The following RHBDD1 variants were observed in gnomAD, a reference collection of about 807,000 sequenced individuals.
The protein encoded by RHBDD1 is rhomboid-related protein 4.
RHBDD1 carries 38 observed loss-of-function variants against 36.3 expected under a neutral mutation model. The observed-to-expected ratio is 1.05, with a 90% CI of 0.81 to 1.37. The LOEUF is 1.37. Among genes scored for constraint, RHBDD1 ranks in the 40% most tolerant of loss-of-function variants. The pLI is 0.00. For missense variants in RHBDD1, 393 were observed against 377.6 expected (o/e 1.04, Z -0.34); for synonymous variants, 151 against 136.5 (o/e 1.11, Z -0.74).
intron 8 of RHBDD1, among the ~76,000 whole-genome samples, chr2:226,987,554 T>C (rs1294938165): frequency 2.6e-5 from 4 of 152,096 alleles, no homozygotes; most frequent in Non-Finnish European, 4.4e-5. Flanking sequence ...CTCTCCCATC[T>C]CTCCACCACC....
intron 3 of RHBDD1, among the ~76,000 whole-genome samples, chr2:226,861,505 A>G (rs1232164455): frequency 2.0e-5 from 3 of 152,210 alleles, no homozygotes; most frequent in African/African-American, 7.2e-5. Context: ...TAATGATTGT[A>G]ATTGAGGGGC....
At chr2:226,871,206 T>C (rs1286760747) in intron 5 of RHBDD1, among the ~76,000 whole-genome samples, 5 of 152,186 alleles carry the variant, frequency 3.3e-5, no homozygotes, top group Non-Finnish European at 7.4e-5. Flanking sequence ...TTTCAATTTA[T>C]TTTTCCACTT....
the RHBDD1 span, among the ~76,000 whole-genome samples, chr2:226,801,621 T>C: frequency 6.6e-6 from 1 of 152,146 alleles, no homozygotes; most frequent in African/African-American, 2.4e-5. Flanking sequence ...TCTTTTCCTC[T>C]GACAGCTTGG....
intron 5 of RHBDD1, among the ~76,000 whole-genome samples, chr2:226,868,068 T>G (rs903986305): frequency 2.0e-5 from 3 of 152,206 alleles, no homozygotes; most frequent in Non-Finnish European, 4.4e-5. Context: ...GTAGTAGAAC[T>G]TTTTAAACAA....
At chr2:226,947,418 T>C (rs1374946121) in intron 8 of RHBDD1, among the ~76,000 whole-genome samples, 4 of 151,968 alleles carry the variant, frequency 2.6e-5, no homozygotes, top group Non-Finnish European at 4.4e-5. Flanking sequence ...GTTGTAGATA[T>C]GCGGCGTTAT....
intron 8 of RHBDD1, among the ~76,000 whole-genome samples, chr2:226,922,401 G>A (rs1949388979): frequency 6.6e-6 from 1 of 151,538 alleles, no homozygotes; most frequent in Admixed American, 6.6e-5. Context: ...TAGAGACGGG[G>A]TTTCACTGTG....
At chr2:226,913,963 A>G (rs764282952) in intron 7 of RHBDD1, among the ~76,000 whole-genome samples, 7 of 152,140 alleles carry the variant, frequency 4.6e-5, no homozygotes, top group East Asian at 3.9e-4. Flanking sequence ...ACTTCTGACT[A>G]CCCTCTGAAT....
chr2:226,825,274 T>C, the RHBDD1 span, among the ~76,000 whole-genome samples: 46 of 151,690 alleles, frequency 3.0e-4, no homozygotes, highest in African/African-American at 1.1e-3. Context: ...TTTAGTTGGT[T>C]AAAAAAAAGC....
At chr2:226,970,942 CAT>C (rs961853315) in intron 8 of RHBDD1, among the ~76,000 whole-genome samples, 121 of 152,298 alleles carry the variant, frequency 7.9e-4, no homozygotes, top group African/African-American at 2.8e-3. Flanking sequence ...TGTATTAAAA[CAT>C]ACGCAATCTC....
chr2:226,808,800 T>G, the RHBDD1 span, among the ~76,000 whole-genome samples: 1 of 151,890 alleles, frequency 6.6e-6, no homozygotes, highest in African/African-American at 2.4e-5. Flanking sequence ...TTGATCAAAG[T>G]AGACATGAGC....
chr2:226,836,088 G>C lies in RHBDD1; in HGVS notation c.-392+1G>C, dbSNP rs1940918721. 6.5e-6 allele frequency: 1 copy of C among 152,746 alleles called. No individual in the cohort carries two copies. Among genetic ancestry groups the C allele is most frequent in the African/African-American group, 2.4e-5 (1 of 41,472 alleles). 9.5% of individuals were successfully genotyped at this position (152,746 alleles called of 1,614,324 possible). A position where few individuals can be genotyped will look rare whatever the true frequency, so the allele number is the denominator to read the frequency against. ...GGGACGCAGGCGGGTCGTAGAGAGC[G>C]TGAGTTTCCGCGTCTGTTTGGTCCG... On this transcript the variant is annotated splice_donor_variant, in intron 1 of 8. Transcript: ENST00000392062. LOFTEE classifies it low-confidence loss of function (5UTR_SPLICE).
intron 5 of RHBDD1, among the ~76,000 whole-genome samples, chr2:226,879,571 CA>C (rs994318863): frequency 7.9e-5 from 12 of 150,974 alleles, no homozygotes; most frequent in African/African-American, 2.4e-4. Context: ...TTTAAAAATG[CA>C]AAAAAAGGGT....
intron 8 of RHBDD1, among the ~76,000 whole-genome samples, chr2:226,922,743 A>G (rs1043994324): frequency 2.6e-5 from 4 of 151,852 alleles, no homozygotes; most frequent in Non-Finnish European, 5.9e-5. Context: ...CTCTGGAGGT[A>G]TGTTTTAATT....
chr2:226,972,790 A>C (rs1378888852), intron 8 of RHBDD1, among the ~76,000 whole-genome samples: 1 of 152,126 alleles, frequency 6.6e-6, no homozygotes, highest in Non-Finnish European at 1.5e-5. Context: ...GGTGCCTTTC[A>C]TGAAGTCTAT....
chr2:226,872,145 G>C (rs1297623828), intron 5 of RHBDD1, among the ~76,000 whole-genome samples: 1 of 152,166 alleles, frequency 6.6e-6, no homozygotes, highest in Non-Finnish European at 1.5e-5. Context: ...TTTGTCAAAG[G>C]CTGGTCTTAG....
chr2:226,882,430 CAAAAAAAA>C lies in RHBDD1; in HGVS notation c.566+15129_566+15136del, dbSNP rs58149634. ...GGGCAACAAGAGTGAGACTTTGCCTCAAAAAAAAAAAAAAAAAAAAAAAAGAAGAAGAA... is the reference window on the plus strand; with the variant it reads ...GGGCAACAAGAGTGAGACTTTGCCTCAAAAAAAAAAAAAAAAGAAGAAGAA... On this transcript the variant is annotated intron_variant, in intron 5 of 8. Transcript: ENST00000392062. Among the ~76,000 whole-genome samples the C allele has an allele frequency of 2.3e-4, 13 of 57,118 alleles. No homozygotes were observed. In the South Asian group the frequency reaches 0.01, roughly 44 times the overall value. The allele number at this position is 57,118 out of a possible 152,430, so 37.5% of individuals were successfully genotyped here.
Position 226,941,460 on chromosome 2 carries a change from ATATATGTGT to A in RHBDD1, c.856+27110_856+27118del, listed in dbSNP as rs1180530421. 2.0e-4 allele frequency among the ~76,000 whole-genome samples: 31 copies of A among 152,292 alleles called. 1 individual carries two copies. The East Asian group carries it at 5.2e-3, about 26-fold the overall frequency. ...TGATGAAGTGTGAGAAACAGTTCTG[ATATATGTGT>A]GTTAACACTTGTTATATGCGTGCTG... On this transcript the variant is annotated intron_variant, in intron 8 of 8. Coordinates refer to ENST00000392062, the MANE Select transcript of RHBDD1 (RefSeq NM_001167608.3).
intron 8 of RHBDD1, among the ~76,000 whole-genome samples, chr2:226,990,502 G>C (rs1184863573): frequency 1.3e-5 from 2 of 152,208 alleles, no homozygotes; most frequent in African/African-American, 4.8e-5. Flanking sequence ...GCGTTCATCA[G>C]ATCATGGGCA....
chr2:226,937,781 G>C (rs999043860), intron 8 of RHBDD1, among the ~76,000 whole-genome samples: 2 of 152,056 alleles, frequency 1.3e-5, no homozygotes, highest in Non-Finnish European at 2.9e-5. Context: ...TTTCGGTTTT[G>C]TTGTGGCTGC....
Sources: gnomAD v4.1 joint callset for allele counts (sites outside exome capture counted in the v4.1 genomes callset) on GRCh38, gnomAD v4.1.1 for gene constraint, MANE v1.5 for transcripts, NCBI Gene and HGNC (gene_info 2026-07-23, HGNC 2026-07-21) for gene names.